Variants in ASTN1 observed in about 807,000 individuals in gnomAD.
ASTN1 encodes astrotactin-1.
In ASTN1, 41 loss-of-function variants were observed where a neutral mutation model predicts 140.7. The observed-to-expected ratio is 0.29, with a 90% CI of 0.23 to 0.38. ASTN1 has a LOEUF of 0.38. ASTN1 is among the 10% of genes least tolerant of loss of function. The probability of loss-of-function intolerance (pLI) is 1.00; values close to 1 mark genes in which losing one functional copy is unlikely to be tolerated. For synonymous variants in ASTN1, 640 were observed against 652.2 expected, an observed-to-expected ratio of 0.98 and a Z score of 0.29; for missense variants, 1,479 against 1,678.8, an observed-to-expected ratio of 0.88 and a Z score of 2.08.
chr1:176,954,107 C>T (rs1197954496), intron 11 of ASTN1, among the ~76,000 whole-genome samples: 1 of 152,182 alleles, frequency 6.6e-6, no homozygotes, highest in African/African-American at 2.4e-5. Context: ...CTGCCATCTC[C>T]CATGGCTGCT....
In ASTN1 at chr1:176,862,134, T is replaced by G; in HGVS notation, c.*2150A>C. 1 of 985,462 alleles carries G rather than the reference T, an allele frequency of 1.0e-6. No individual in the cohort carries two copies. Among genetic ancestry groups the G allele is most frequent in the Non-Finnish European group, 1.2e-6 (1 of 829,950 alleles). 61.0% of individuals were successfully genotyped at this position (985,462 alleles called of 1,614,324 possible). ...ATCTTCTCTGGCAATGGTGAAATAT[T>G]TGCCCCTTGAGGCACTTTAACTGAG... On this transcript the variant is annotated 3_prime_UTR_variant, in exon 23 of 23. Coordinates refer to ENST00000361833, the MANE Select transcript of ASTN1 (RefSeq NM_004319.3).
At chr1:177,038,309 G>A (rs1401661048) in intron 2 of ASTN1, among the ~76,000 whole-genome samples, 2 of 152,190 alleles carry the variant, frequency 1.3e-5, no homozygotes, top group East Asian at 1.9e-4. Flanking sequence ...TGATTTTCTT[G>A]TCTATCTCAT....
At chr1:177,157,400 C>T (rs1247468162) in intron 1 of ASTN1, among the ~76,000 whole-genome samples, 3 of 152,118 alleles carry the variant, frequency 2.0e-5, no homozygotes, top group African/African-American at 4.8e-5. Flanking sequence ...ACTGCAACTC[C>T]GCCTCCTGGG....
Position 176,921,486 on chromosome 1 carries a change from A to C in ASTN1, c.2671+12666T>G, listed in dbSNP as rs1278603137. Among the ~76,000 whole-genome samples, 2 of 152,244 alleles carry C rather than the reference A, an allele frequency of 1.3e-5. 1 individual carries two copies. The highest frequency in any genetic ancestry group is 4.8e-5 in the African/African-American group (2 of 41,456). ...CATACTCCCTCACCTTCTGCAAAGAAAACTTTCCTACTCACTTTGTAAAAG... is the reference window on the plus strand; with the variant it reads ...CATACTCCCTCACCTTCTGCAAAGACAACTTTCCTACTCACTTTGTAAAAG... On this transcript the variant is annotated intron_variant, in intron 16 of 22. Coordinates refer to ENST00000361833, the MANE Select transcript of ASTN1 (RefSeq NM_004319.3).
At chr1:176,871,478 A>G (rs2103014972) in intron 21 of ASTN1, among the ~76,000 whole-genome samples, 1 of 152,296 alleles carries the variant, frequency 6.6e-6, no homozygotes, top group African/African-American at 2.4e-5. Flanking sequence ...ATGGCTGAGG[A>G]GGTGCCTATC....
chr1:176,989,352 G>C (rs1340504669), intron 8 of ASTN1, among the ~76,000 whole-genome samples: 1 of 152,206 alleles, frequency 6.6e-6, no homozygotes, highest in Non-Finnish European at 1.5e-5. Flanking sequence ...ATTTTCTTTA[G>C]AGAACAGTAA....
At chr1:176,966,093 GCA>G (rs554964901) in intron 8 of ASTN1, among the ~76,000 whole-genome samples, 3 of 152,142 alleles carry the variant, frequency 2.0e-5, no homozygotes, top group Non-Finnish European at 4.4e-5. Context: ...CTGAGCTATT[GCA>G]CACACTAGGT....
chr1:177,097,164 C>G (rs1299849598), intron 1 of ASTN1, among the ~76,000 whole-genome samples: 1 of 152,144 alleles, frequency 6.6e-6, no homozygotes, highest in Non-Finnish European at 1.5e-5. Context: ...CATTTCTTCC[C>G]CAGGCTCAAC....
chr1:177,144,893 T>C lies in ASTN1; in HGVS notation c.283+19501A>G, dbSNP rs147267010. Among the ~76,000 whole-genome samples, 733 of 152,230 alleles carry C rather than the reference T, an allele frequency of 4.8e-3. 1 individual carries two copies. Among genetic ancestry groups the C allele is most frequent in the Non-Finnish European group, 7.7e-3 (527 of 68,010 alleles). Reference sequence around the variant, plus strand: ...GTAAGCCACGAGTCCCTAAAACTCATCACCTCCAACCGTAAGAAAACACAT... The same window carrying C: ...GTAAGCCACGAGTCCCTAAAACTCACCACCTCCAACCGTAAGAAAACACAT... On this transcript the variant is annotated intron_variant, in intron 1 of 22. Coordinates refer to ENST00000361833, the MANE Select transcript of ASTN1 (RefSeq NM_004319.3).
At chr1:176,972,000 G>C (rs1673159671) in intron 8 of ASTN1, among the ~76,000 whole-genome samples, 1 of 152,102 alleles carries the variant, frequency 6.6e-6, no homozygotes, top group South Asian at 2.1e-4. Flanking sequence ...AACCTAGATA[G>C]TATAGCCTAC....
At chr1:176,993,026 C>T (rs539072875) in intron 8 of ASTN1, among the ~76,000 whole-genome samples, 43 of 152,210 alleles carry the variant, frequency 2.8e-4, no homozygotes, top group Non-Finnish European at 5.9e-4. Context: ...TCCCTCTCTG[C>T]CATGTAGGAA....
chr1:177,039,626 C>T (rs1222305024), intron 2 of ASTN1, among the ~76,000 whole-genome samples: 1 of 152,098 alleles, frequency 6.6e-6, no homozygotes, highest in African/African-American at 2.4e-5. Flanking sequence ...ATGAAGAACC[C>T]CAGTAAAATA....
intron 8 of ASTN1, among the ~76,000 whole-genome samples, chr1:176,990,505 A>G (rs540417804): frequency 1.3e-5 from 2 of 151,550 alleles, no homozygotes; most frequent in Non-Finnish European, 2.9e-5. Flanking sequence ...GAAATCAAGA[A>G]CGAGTGTGAG....
At chr1:176,962,213 T>G (rs1571573168) in intron 9 of ASTN1, among the ~76,000 whole-genome samples, 1 of 152,210 alleles carries the variant, frequency 6.6e-6, no homozygotes, top group East Asian at 1.9e-4. Context: ...AAAGGAGTGA[T>G]CCTAGCCACA....
chr1:177,052,185 G>A (rs1005568789), intron 2 of ASTN1, among the ~76,000 whole-genome samples: 2 of 152,086 alleles, frequency 1.3e-5, no homozygotes, highest in Non-Finnish European at 2.9e-5. Flanking sequence ...TTTTCCCTAA[G>A]CACAATCCTC....
At chr1:176,920,553 C>A (rs1295501679) in intron 16 of ASTN1, among the ~76,000 whole-genome samples, 5 of 152,208 alleles carry the variant, frequency 3.3e-5, no homozygotes. Context: ...GGTATAGGCA[C>A]TTTGGTACTT....
At chr1:176,922,642 C>T (rs762285383) in intron 16 of ASTN1, among the ~76,000 whole-genome samples, 18 of 149,560 alleles carry the variant, frequency 1.2e-4, no homozygotes, top group Non-Finnish European at 2.1e-4. Flanking sequence ...AAACTGTCTA[C>T]GACAAGGTCT....
intron 1 of ASTN1, among the ~76,000 whole-genome samples, chr1:177,094,535 C>T (rs1174730444): frequency 1.3e-5 from 2 of 152,212 alleles, no homozygotes; most frequent in East Asian, 3.9e-4. Context: ...ATCTTTGAAC[C>T]AACTTACCCA....
chr1:177,108,639 G>T (rs1438837558), intron 1 of ASTN1, among the ~76,000 whole-genome samples: 1 of 152,122 alleles, frequency 6.6e-6, no homozygotes, highest in African/African-American at 2.4e-5. Context: ...CAGGTGGGTT[G>T]CTTCCACCTT....
Sources: allele counts gnomAD v4.1 joint callset (sites outside exome capture counted in the v4.1 genomes callset), GRCh38; gene constraint gnomAD v4.1.1; transcripts MANE v1.5; gene names NCBI Gene and HGNC (gene_info 2026-07-23, HGNC 2026-07-21).